TLL1: variants seen among roughly 807,000 people sequenced by gnomAD.
The protein encoded by TLL1 is tolloid-like protein 1.
In TLL1, 49 loss-of-function variants were observed where a neutral mutation model predicts 128.2. The ratio of observed to expected loss-of-function variants is 0.38; its 90% CI spans 0.30 to 0.48. The LOEUF (loss-of-function observed/expected upper bound fraction) is 0.48, where lower values mean the gene tolerates loss of function less well. TLL1 is among the 20% of genes least tolerant of loss of function. The pLI is 0.96. For missense variants in TLL1, 1,123 were observed against 1,242.0 expected, an observed-to-expected ratio of 0.90 and a Z score of 1.44; for synonymous variants, 454 against 418.8, an observed-to-expected ratio of 1.08 and a Z score of -1.03.
intron 18 of TLL1, among the ~76,000 whole-genome samples, chr4:166,088,846 A>C (rs774549165): frequency 2.0e-5 from 3 of 152,118 alleles, no homozygotes; most frequent in Non-Finnish European, 4.4e-5. Flanking sequence ...TGTTAAGCAG[A>C]TGTTATGATT....
At chr4:166,030,542 G>A in intron 9 of TLL1, 2 of 589,698 alleles carry the variant, frequency 3.4e-6, no homozygotes, top group South Asian at 2.1e-5. Flanking sequence ...TAGTTTTATT[G>A]CCTGTGCTTT....
At chr4:166,033,762 TG>T (rs946208246) in intron 9 of TLL1, among the ~76,000 whole-genome samples, 8 of 152,176 alleles carry the variant, frequency 5.3e-5, no homozygotes, top group Admixed American at 2.0e-4. Flanking sequence ...TCCTTGATGT[TG>T]CATGGTTCAT....
At chr4:165,972,346 A>ATATCTTTGTGGATAT (rs1297596009) in intron 1 of TLL1, among the ~76,000 whole-genome samples, 5 of 152,150 alleles carry the variant, frequency 3.3e-5, no homozygotes, top group Admixed American at 6.5e-5. Context: ...GACTGTTGGC[A>ATATCTTTGTGGATAT]CCTTTGTGGA....
At chr4:166,060,247 C>T in intron 15 of TLL1, 59 bp downstream of exon 15, 3 of 1,515,358 alleles carry the variant, frequency 2.0e-6, no homozygotes, top group Non-Finnish European at 2.7e-6. Flanking sequence ...TGAAGGCAAA[C>T]TGTGAAATTA....
intron 1 of TLL1, among the ~76,000 whole-genome samples, chr4:165,929,792 A>G (rs894939733): frequency 1.3e-5 from 2 of 152,194 alleles, no homozygotes; most frequent in South Asian, 2.1e-4. Context: ...CTAGAAATCA[A>G]TCTAATAATA....
intron 1 of TLL1, among the ~76,000 whole-genome samples, chr4:165,899,898 C>G (rs991612435): frequency 3.9e-5 from 6 of 152,020 alleles, no homozygotes; most frequent in African/African-American, 1.4e-4. Context: ...AATCTGGGTG[C>G]TACTGTATTG....
intron 1 of TLL1, among the ~76,000 whole-genome samples, chr4:165,955,182 T>C (rs1050947229): frequency 6.6e-6 from 1 of 151,966 alleles, no homozygotes; most frequent in Non-Finnish European, 1.5e-5. Context: ...ATCTTGGAGC[T>C]TGCAGACCAG....
intron 1 of TLL1, among the ~76,000 whole-genome samples, chr4:165,930,413 T>C (rs1733463181): frequency 6.6e-6 from 1 of 152,212 alleles, no homozygotes; most frequent in African/African-American, 2.4e-5. Flanking sequence ...TGATAACTTA[T>C]ATTCTTTTAT....
At chr4:165,946,293 G>A (rs1270874154) in intron 1 of TLL1, among the ~76,000 whole-genome samples, 1 of 151,950 alleles carries the variant, frequency 6.6e-6, no homozygotes, top group Non-Finnish European at 1.5e-5. Flanking sequence ...AGCCAAGACC[G>A]ACAGGAGTTG....
intron 5 of TLL1, among the ~76,000 whole-genome samples, chr4:166,001,525 A>T (rs1021976285): frequency 2.0e-5 from 3 of 152,056 alleles, no homozygotes; most frequent in Admixed American, 1.3e-4. Flanking sequence ...GAGGCTGGCC[A>T]CAATGGCCCA....
chr4:166,049,261 G>A (rs1007038192), intron 12 of TLL1, among the ~76,000 whole-genome samples: 1 of 152,184 alleles, frequency 6.6e-6, no homozygotes, highest in African/African-American at 2.4e-5. Flanking sequence ...TCGAAACCAA[G>A]CCCTGGCTCT....
chr4:165,932,636 A>T (rs985661955), intron 1 of TLL1, among the ~76,000 whole-genome samples: 1 of 140,720 alleles, frequency 7.1e-6, no homozygotes, highest in African/African-American at 3.1e-5. Flanking sequence ...TAAGCTTCAG[A>T]TTTTCTTCTT....
chr4:166,004,195 CT>C (rs1737304210), intron 6 of TLL1, among the ~76,000 whole-genome samples: 1 of 152,062 alleles, frequency 6.6e-6, no homozygotes, highest in Non-Finnish European at 1.5e-5. Flanking sequence ...CAATGTAAGA[CT>C]TTTTAACTTT....
intron 8 of TLL1, among the ~76,000 whole-genome samples, 187 bp from the exon 9 acceptor site, chr4:166,025,129 G>A (rs938356428): frequency 3.3e-5 from 5 of 152,028 alleles, no homozygotes; most frequent in African/African-American, 1.2e-4. Flanking sequence ...CCATAATGAT[G>A]CCATTAAATA....
intron 2 of TLL1, among the ~76,000 whole-genome samples, 170 bp downstream of exon 2, chr4:165,989,661 T>TA (rs1445526715): frequency 9.4e-6 from 1 of 106,762 alleles, no homozygotes; most frequent in South Asian, 2.8e-4. Flanking sequence ...TTCATTTTAT[T>TA]AATTTTTTTT....
intron 1 of TLL1, among the ~76,000 whole-genome samples, chr4:165,926,775 T>G (rs913869319): frequency 1.6e-4 from 25 of 152,210 alleles, no homozygotes; most frequent in African/African-American, 5.5e-4. Flanking sequence ...CCCAGCCAGC[T>G]AGCTTTACTG....
At chr4:165,911,812 T>C (rs1267388423) in intron 1 of TLL1, among the ~76,000 whole-genome samples, 2 of 152,166 alleles carry the variant, frequency 1.3e-5, no homozygotes, top group Admixed American at 1.3e-4. Flanking sequence ...TTAATGGGTC[T>C]GTTTAATGTG....
At chr4:165,959,371 A>G (rs997512841) in intron 1 of TLL1, among the ~76,000 whole-genome samples, 3 of 152,012 alleles carry the variant, frequency 2.0e-5, no homozygotes, top group African/African-American at 4.8e-5. Context: ...ATTTATTTGT[A>G]TCCTCTTTTA....
intron 1 of TLL1, among the ~76,000 whole-genome samples, chr4:165,986,389 C>A (rs905138432): frequency 1.3e-5 from 2 of 151,862 alleles, no homozygotes; most frequent in Non-Finnish European, 2.9e-5. Flanking sequence ...GAAAGAAATG[C>A]ATTTTAAACT....
Sources: gnomAD v4.1 joint callset for allele counts (sites outside exome capture counted in the v4.1 genomes callset) on GRCh38, gnomAD v4.1.1 for gene constraint, MANE v1.5 for transcripts, NCBI Gene and HGNC (gene_info 2026-07-23, HGNC 2026-07-21) for gene names.